Variants in DSCAM observed in about 807,000 individuals in gnomAD.
DSCAM encodes cell adhesion molecule DSCAM.
Under a neutral mutation model 217.7 loss-of-function variants are expected in DSCAM, and 47 were observed. The observed-to-expected ratio is 0.22, with a 90% CI of 0.17 to 0.28. The LOEUF (loss-of-function observed/expected upper bound fraction) is 0.28, where lower values mean the gene tolerates loss of function less well. DSCAM is among the 10% of genes least tolerant of loss of function. The pLI is 1.00. For missense variants in DSCAM, 2,080 were observed against 2,618.3 expected (o/e 0.79, Z 4.49); for synonymous variants, 1,056 against 1,015.3 (o/e 1.04, Z -0.76).
intron 9 of DSCAM, among the ~76,000 whole-genome samples, chr21:40,307,148 C>A (rs549464442): frequency 1.4e-4 from 22 of 151,992 alleles, no homozygotes; most frequent in Non-Finnish European, 3.1e-4. Flanking sequence ...GAACAGGCAA[C>A]CTACAAAATG....
intron 1 of DSCAM, among the ~76,000 whole-genome samples, chr21:40,752,699 C>A (rs2091240854): frequency 6.6e-6 from 1 of 151,964 alleles, no homozygotes. Context: ...AGAACAACAA[C>A]AACACAAATA....
intron 20 of DSCAM, among the ~76,000 whole-genome samples, chr21:40,118,573 G>A (rs1292996676): frequency 6.6e-6 from 1 of 152,138 alleles, no homozygotes; most frequent in Non-Finnish European, 1.5e-5. Flanking sequence ...GCGACAGAGT[G>A]AAACTCCGTC....
chr21:40,467,930 C>CAAAAAAAAAAA (rs56379350), intron 3 of DSCAM, among the ~76,000 whole-genome samples: 6 of 84,380 alleles, frequency 7.1e-5, no homozygotes, highest in African/African-American at 2.8e-4. Flanking sequence ...AAAGATTAAC[C>CAAAAAAAAAAA]AAAAAAAAAA....
At chr21:40,809,691 T>C (rs1027852302) in intron 1 of DSCAM, among the ~76,000 whole-genome samples, 3 of 152,194 alleles carry the variant, frequency 2.0e-5, no homozygotes, top group Non-Finnish European at 2.9e-5. Flanking sequence ...ATTTTCATCT[T>C]TGTTATATTC....
At chr21:40,566,234 C>T (rs766401927) in intron 3 of DSCAM, among the ~76,000 whole-genome samples, 96 of 152,088 alleles carry the variant, frequency 6.3e-4, no homozygotes, top group Non-Finnish European at 1.1e-3. Context: ...CCCTAGATGG[C>T]TAGTGATGCT....
intron 3 of DSCAM, among the ~76,000 whole-genome samples, chr21:40,459,958 C>T (rs759259390): frequency 2.6e-5 from 4 of 152,056 alleles, no homozygotes; most frequent in African/African-American, 4.8e-5. Context: ...ACAAGTTCCA[C>T]GAGATCATGT....
Position 40,116,873 on chromosome 21 carries a change from G to T in DSCAM, c.3696+7322C>A, listed in dbSNP as rs1274105051. ...AAACATTAGCCAGGCATGGTGGCGG[G>T]CGCCTGTAGTCCCAGCTACTTGGGA... is the stretch of plus-strand genomic sequence containing the variant. On this transcript the variant is annotated intron_variant, in intron 20 of 32. Coordinates refer to ENST00000400454, the MANE Select transcript of DSCAM (RefSeq NM_001389.5). Among the ~76,000 whole-genome samples, 5 of 150,398 alleles carry T rather than the reference G, an allele frequency of 3.3e-5. No homozygotes were observed. The East Asian group carries it at 9.8e-4, about 30-fold the overall frequency.
chr21:40,455,536 G>C (rs1330096177), intron 3 of DSCAM, among the ~76,000 whole-genome samples: 1 of 152,182 alleles, frequency 6.6e-6, no homozygotes, highest in Non-Finnish European at 1.5e-5. Flanking sequence ...GGAGGATGAG[G>C]CTGGTGAATC....
intron 20 of DSCAM, among the ~76,000 whole-genome samples, 159 bp downstream of exon 20, chr21:40,124,036 T>C (rs1441047818): frequency 6.6e-6 from 1 of 152,046 alleles, no homozygotes; most frequent in African/African-American, 2.4e-5. Flanking sequence ...GAGGTGTAAA[T>C]GAGGACTTTG....
chr21:40,780,712 G>T (rs2091536201), intron 1 of DSCAM, among the ~76,000 whole-genome samples: 1 of 151,856 alleles, frequency 6.6e-6, no homozygotes, highest in Non-Finnish European at 1.5e-5. Context: ...CATGTAGAGG[G>T]GTGGGCCTAT....
intron 20 of DSCAM, among the ~76,000 whole-genome samples, chr21:40,107,726 T>C (rs2089839422): frequency 6.6e-6 from 1 of 152,170 alleles, no homozygotes; most frequent in Admixed American, 6.5e-5. Flanking sequence ...TAGATCTTCT[T>C]GAATTGAACC....
At chr21:40,686,270 C>A (rs539471406) in intron 3 of DSCAM, among the ~76,000 whole-genome samples, 1 of 149,848 alleles carries the variant, frequency 6.7e-6, no homozygotes. Flanking sequence ...CACACACACA[C>A]CCCACACACA....
chr21:40,464,212 G>A (rs1254171524), intron 3 of DSCAM, among the ~76,000 whole-genome samples: 3 of 152,120 alleles, frequency 2.0e-5, no homozygotes, highest in African/African-American at 4.8e-5. Flanking sequence ...TGGAGGCTCC[G>A]GGACTGTTCT....
intron 1 of DSCAM, among the ~76,000 whole-genome samples, chr21:40,793,503 ATTT>A (rs1302734732): frequency 6.6e-6 from 1 of 151,954 alleles, no homozygotes; most frequent in East Asian, 1.9e-4. Flanking sequence ...TATTATTATT[ATTT>A]TTTGAGACGG....
chr21:40,808,348 GC>G (rs1282145581), intron 1 of DSCAM, among the ~76,000 whole-genome samples: 4 of 152,040 alleles, frequency 2.6e-5, no homozygotes, highest in African/African-American at 9.7e-5. Context: ...AAGCCATCTT[GC>G]AAGTAGAACA....
intron 10 of DSCAM, among the ~76,000 whole-genome samples, chr21:40,281,116 A>T (rs1163624276): frequency 6.6e-6 from 1 of 152,146 alleles, no homozygotes; most frequent in Non-Finnish European, 1.5e-5. Flanking sequence ...AATGGAAGCT[A>T]TTAAATGTAT....
intron 31 of DSCAM, among the ~76,000 whole-genome samples, chr21:40,043,304 A>G (rs2088787244): frequency 6.6e-6 from 1 of 152,202 alleles, no homozygotes; most frequent in African/African-American, 2.4e-5. Flanking sequence ...CTGCGTTTCA[A>G]ATGCACTAAA....
intron 1 of DSCAM, among the ~76,000 whole-genome samples, chr21:40,786,345 AG>A (rs1159210875): frequency 6.6e-6 from 1 of 152,138 alleles, no homozygotes; most frequent in Non-Finnish European, 1.5e-5. Flanking sequence ...AGAAAGAGAA[AG>A]AAAGAAATCA....
intron 3 of DSCAM, among the ~76,000 whole-genome samples, chr21:40,441,956 T>C (rs902580426): frequency 6.6e-6 from 1 of 152,208 alleles, no homozygotes; most frequent in African/African-American, 2.4e-5. Flanking sequence ...GAATATTTCT[T>C]ACTATTTGTA....
Sources: gnomAD v4.1 joint callset for allele counts (sites outside exome capture counted in the v4.1 genomes callset) on GRCh38, gnomAD v4.1.1 for gene constraint, MANE v1.5 for transcripts, NCBI Gene and HGNC (gene_info 2026-07-23, HGNC 2026-07-21) for gene names.